Variants in PDE12 observed in about 807,000 individuals in gnomAD.
PDE12 encodes phosphodiesterase 12, also known as 2',5'-phosphodiesterase 12.
A neutral mutation model predicts 45.4 loss-of-function variants in PDE12; 26 were observed. The ratio of observed to expected loss-of-function variants is 0.57; its 90% CI spans 0.42 to 0.79. The LOEUF (loss-of-function observed/expected upper bound fraction) is 0.79. Ranked by LOEUF, PDE12 falls within the 30% of genes least tolerant of loss-of-function variation. PDE12 has a pLI of 0.00. For missense variants in PDE12, 668 were observed against 790.0 expected, an observed-to-expected ratio of 0.85 and a Z score of 1.85; for synonymous variants, 283 against 323.9, an observed-to-expected ratio of 0.87 and a Z score of 1.36.
chr3:57,636,216 T>C, the PDE12 span, among the ~76,000 whole-genome samples: 298 of 152,308 alleles, frequency 2.0e-3, no homozygotes, highest in African/African-American at 6.8e-3. Flanking sequence ...CAAGGGTTAA[T>C]TGTAATTTCA....
chr3:57,635,166 T>C, the PDE12 span, among the ~76,000 whole-genome samples: 1 of 152,196 alleles, frequency 6.6e-6, no homozygotes, highest in South Asian at 2.1e-4. Flanking sequence ...AATTCTTAAA[T>C]GACTATGCAG....
the PDE12 span, among the ~76,000 whole-genome samples, chr3:57,589,804 T>C: frequency 1.3e-5 from 2 of 150,244 alleles, no homozygotes; most frequent in African/African-American, 4.9e-5. Context: ...TTTAAAAAGT[T>C]AGATCCAGCC....
At chr3:57,619,379 C>A in the PDE12 span, 2 of 152,876 alleles carry the variant, frequency 1.3e-5, no homozygotes, top group Non-Finnish European at 2.9e-5. Flanking sequence ...AAAACAACAA[C>A]AAAAAAACAC....
the PDE12 span, among the ~76,000 whole-genome samples, chr3:57,613,750 A>T: frequency 5.3e-5 from 8 of 151,696 alleles, no homozygotes; most frequent in African/African-American, 9.7e-5. Context: ...AATACAAAAA[A>T]ATTAGCCGGG....
downstream of PDE12, among the ~76,000 whole-genome samples, chr3:57,568,764 GA>G (rs1215115374): frequency 5.4e-5 from 8 of 146,914 alleles, no homozygotes; most frequent in African/African-American, 2.0e-4. Flanking sequence ...AAATTTCATG[GA>G]AATTGAAACT....
chr3:57,557,056 C>T lies in PDE12; in HGVS notation c.677C>T (p.Thr226Ile), dbSNP rs1559776464. 6.2e-7 allele frequency: 1 copy of T among 1,614,056 alleles called. No individual in the cohort carries two copies. ...LSPSSPSSSW[T>I]ETDVEERVYT... Reference sequence around the variant, plus strand: ...CCCTCCTCACCTTCTTCTTCTTGGACTGAGACTGATGTGGAGGAGCGTGTC... The same window carrying T: ...CCCTCCTCACCTTCTTCTTCTTGGATTGAGACTGATGTGGAGGAGCGTGTC... Residue 226 changes from threonine to isoleucine, a missense_variant, in exon 1 of 3, where the codon ACT becomes ATT. This residue lies in a region of PDE12 where 580 missense variants were observed against 662.9 expected (regional missense o/e 0.87). Coordinates refer to ENST00000311180, the MANE Select transcript of PDE12 (RefSeq NM_177966.7).
the PDE12 span, among the ~76,000 whole-genome samples, chr3:57,612,280 T>C: frequency 1.0e-4 from 15 of 147,714 alleles, no homozygotes; most frequent in Admixed American, 3.4e-4. Flanking sequence ...TTAGGAGATA[T>C]ACCTAATGTA....
the PDE12 span, among the ~76,000 whole-genome samples, chr3:57,636,492 T>C: frequency 6.6e-6 from 1 of 152,080 alleles, no homozygotes; most frequent in Non-Finnish European, 1.5e-5. Flanking sequence ...CAAAATATGA[T>C]ACAGAGAAAT....
chr3:57,656,365 T>G, the PDE12 span, among the ~76,000 whole-genome samples: 5 of 152,354 alleles, frequency 3.3e-5, no homozygotes, highest in East Asian at 7.7e-4. Context: ...CCTTCTTTTT[T>G]TTAACTGCTG....
chr3:57,597,163 GGCAGAA>G, the PDE12 span: 2 of 1,607,734 alleles, frequency 1.2e-6, no homozygotes, highest in Non-Finnish European at 8.5e-7. Flanking sequence ...ACTTGTGATG[GGCAGAA>G]GCAGAAGGGG....
chr3:57,570,019 A>G (rs1311233317), downstream of PDE12, among the ~76,000 whole-genome samples: 4 of 151,996 alleles, frequency 2.6e-5, no homozygotes, highest in Admixed American at 1.3e-4. Flanking sequence ...TTGATGCCCC[A>G]TAAGACTACA....
chr3:57,624,145 G>A, the PDE12 span, among the ~76,000 whole-genome samples: 1 of 151,382 alleles, frequency 6.6e-6, no homozygotes, highest in Admixed American at 6.6e-5. Flanking sequence ...GTACCACCAT[G>A]TCTGACTACT....
At chr3:57,646,426 T>C in the PDE12 span, 1 of 1,613,142 alleles carries the variant, frequency 6.2e-7, no homozygotes, top group Admixed American at 1.7e-5. Context: ...GAAGGAAAAC[T>C]GGGCAGAAAC....
the PDE12 span, chr3:57,584,173 G>C: frequency 1.4e-6 from 1 of 697,900 alleles, no homozygotes; most frequent in South Asian, 2.0e-5. Context: ...ATGTTATGCA[G>C]GCTGGTCTTG....
the PDE12 span, among the ~76,000 whole-genome samples, chr3:57,631,867 C>T: frequency 1.3e-5 from 2 of 149,830 alleles, no homozygotes; most frequent in Admixed American, 6.7e-5. Flanking sequence ...GGATTACAGG[C>T]GCCCACCACC....
At chr3:57,575,731 G>A in the PDE12 span, 1 of 1,534,910 alleles carries the variant, frequency 6.5e-7, no homozygotes, top group East Asian at 2.3e-5. Context: ...TTTTGAAAAT[G>A]TCTTCCTATA....
chr3:57,621,537 G>A, the PDE12 span, among the ~76,000 whole-genome samples: 2 of 152,160 alleles, frequency 1.3e-5, no homozygotes, highest in South Asian at 2.1e-4. Context: ...AGGCGTGGTG[G>A]TGCACGCCTG....
At chr3:57,569,477 C>A (rs920964288), downstream of PDE12, among the ~76,000 whole-genome samples, 3 of 152,034 alleles carry the variant, frequency 2.0e-5, no homozygotes, top group Non-Finnish European at 4.4e-5. Context: ...TTCAGCCTCT[C>A]GAGTAGCTGG....
chr3:57,649,615 CATCA>C, the PDE12 span, among the ~76,000 whole-genome samples: 2 of 149,532 alleles, frequency 1.3e-5, no homozygotes, highest in Admixed American at 1.4e-4. Flanking sequence ...CCCAAATGCC[CATCA>C]ATCAATGAGT....
Sources: gnomAD v4.1 joint callset for allele counts (sites outside exome capture counted in the v4.1 genomes callset) on GRCh38, gnomAD v4.1.1 for gene constraint, gnomAD v4.1.1 regional missense constraint, MANE v1.5 for transcripts, NCBI Gene and HGNC (gene_info 2026-07-23, HGNC 2026-07-21) for gene names.